The following ZNF215 variants were observed in gnomAD, a reference collection of about 807,000 sequenced individuals.
ZNF215 encodes BWSCR2-associated zinc finger protein 2.
ZNF215 carries 24 observed loss-of-function variants against 27.2 expected under a neutral mutation model. That is an observed-to-expected ratio of 0.88 (90% CI 0.64 to 1.24). The LOEUF (loss-of-function observed/expected upper bound fraction) is 1.24. ZNF215 is among the 50% of genes most tolerant of loss of function. The pLI, the probability that ZNF215 is intolerant of heterozygous loss-of-function variation, is 0.00. For missense variants in ZNF215, 675 were observed against 605.7 expected, an observed-to-expected ratio of 1.11 and a Z score of -1.20; for synonymous variants, 210 against 204.0, an observed-to-expected ratio of 1.03 and a Z score of -0.25.
intron 5 of ZNF215, among the ~76,000 whole-genome samples, chr11:6,972,246 CTT>C (rs1395682990): frequency 6.6e-6 from 1 of 152,062 alleles, no homozygotes; most frequent in Non-Finnish European, 1.5e-5. Flanking sequence ...TATAGTCACT[CTT>C]TGTCAAAACT....
At chr11:6,973,188 T>C (rs1206534316) in intron 5 of ZNF215, among the ~76,000 whole-genome samples, 1 of 152,164 alleles carries the variant, frequency 6.6e-6, no homozygotes, top group Non-Finnish European at 1.5e-5. Flanking sequence ...AGAATGATGG[T>C]TTCCAGCTTC....
intron 5 of ZNF215, among the ~76,000 whole-genome samples, chr11:6,964,692 T>TA (rs1040349707): frequency 2.6e-5 from 4 of 151,750 alleles, no homozygotes; most frequent in African/African-American, 9.7e-5. Flanking sequence ...GTCTTTTTTT[T>TA]TTTTTATTTT....
chr11:6,943,603 G>C lies in ZNF215; in HGVS notation c.674G>C (p.Trp225Ser). Residue 225 changes from tryptophan to serine, a missense_variant, in exon 6 of 7, where the codon TGG becomes TCG. Transcript: ENST00000278319. ...AAGTTGGAGAGTAAGAAAAAAAGAT[G>C]GATAATGGAGAAAGAAATACCAAGG... ...SLKLESKKKRWIMEKEIPRKT... is the reference protein window; with the variant it reads ...SLKLESKKKRSIMEKEIPRKT... 1 of 1,613,988 alleles carries C rather than the reference G, an allele frequency of 6.2e-7. No homozygotes were observed. Among genetic ancestry groups the C allele is most frequent in the Non-Finnish European group, 8.5e-7 (1 of 1,179,938 alleles).
At position 6,956,450 on chromosome 11, in the gene ZNF215, A is replaced by G; in HGVS notation, c.1473A>G (p.Lys491=). The G allele has an allele frequency of 1.2e-6, 2 of 1,614,162 alleles. No homozygotes were observed. The highest frequency in any genetic ancestry group is 1.7e-6 in the Non-Finnish European group (2 of 1,180,006). Residue 491 remains lysine (K), a synonymous_variant, in exon 7 of 7, where the codon AAA becomes AAG. Transcript: ENST00000278319. ...QMIHTGEKPF[K]CKECSKAFNR... is the part of the protein sequence containing the mutation. Reference sequence around the variant, plus strand: ...TTCACACGGGAGAGAAACCATTCAAATGTAAGGAATGTAGTAAAGCCTTCA... The same window carrying G: ...TTCACACGGGAGAGAAACCATTCAAGTGTAAGGAATGTAGTAAAGCCTTCA...
downstream of ZNF215, among the ~76,000 whole-genome samples, chr11:6,993,197 G>A (rs188984098): frequency 3.4e-4 from 51 of 152,150 alleles, no homozygotes; most frequent in Non-Finnish European, 4.7e-4. Flanking sequence ...CCTCCATTTC[G>A]TTTCTGAGGA....
At chr11:6,950,305 C>T (rs1486052883) in intron 6 of ZNF215, among the ~76,000 whole-genome samples, 3 of 148,792 alleles carry the variant, frequency 2.0e-5, no homozygotes, top group Non-Finnish European at 4.5e-5. Context: ...GGCATTGAAT[C>T]TATAAATTAC....
intron 5 of ZNF215, among the ~76,000 whole-genome samples, chr11:6,979,915 CTTATTTATTTTA>C (rs1172596110): frequency 1.3e-5 from 2 of 151,968 alleles, no homozygotes; most frequent in Non-Finnish European, 2.9e-5. Flanking sequence ...TTTTTAAAAG[CTTATTTATTTTA>C]TTTTGTTTTT....
At chr11:6,937,858 T>C (rs1327812061) in intron 3 of ZNF215, among the ~76,000 whole-genome samples, 1 of 151,856 alleles carries the variant, frequency 6.6e-6, no homozygotes, top group Non-Finnish European at 1.5e-5. Flanking sequence ...TCAAGATGGG[T>C]CAATTGTCTA....
chr11:6,955,699 GTATT>G lies in ZNF215; in HGVS notation c.724_727del (p.Ile242LeufsTer9). 6.4e-7 allele frequency: 1 copy of G among 1,554,194 alleles called. No homozygotes were observed. The highest frequency in any genetic ancestry group is 2.2e-5 in the East Asian group (1 of 44,526). ...TTTTATTTCTCTTTAGACATGAAGAGTATTTCTGGAGAAGAATCATCCCATGGAG... is the reference window on the plus strand; with the variant it reads ...TTTTATTTCTCTTTAGACATGAAGAGTCTGGAGAAGAATCATCCCATGGAG... On this transcript the variant is annotated frameshift_variant, in exon 7 of 7. Transcript: ENST00000278319. LOFTEE classifies it low-confidence loss of function (END_TRUNC).
chr11:6,953,819 T>C (rs1019110466), intron 6 of ZNF215, among the ~76,000 whole-genome samples: 1 of 152,184 alleles, frequency 6.6e-6, no homozygotes, highest in Non-Finnish European at 1.5e-5. Context: ...CTCTGCTCTT[T>C]AGAGTTTCCA....
At chr11:6,927,422 C>T (rs557005961) in intron 1 of ZNF215, among the ~76,000 whole-genome samples, 2 of 152,300 alleles carry the variant, frequency 1.3e-5, no homozygotes, top group South Asian at 4.1e-4. Flanking sequence ...AGAAATAACC[C>T]TCTTCACAGA....
downstream of ZNF215, chr11:6,988,302 T>C: frequency 4.1e-6 from 4 of 965,560 alleles, no homozygotes; most frequent in Non-Finnish European, 4.9e-6. Context: ...ACCAAAGAAA[T>C]CAATCACATC....
chr11:6,946,931 T>C (rs951297261), intron 6 of ZNF215, among the ~76,000 whole-genome samples: 1 of 152,204 alleles, frequency 6.6e-6, no homozygotes, highest in African/African-American at 2.4e-5. Context: ...TAAAGGGCTG[T>C]TTATGTGGTT....
Position 6,941,517 on chromosome 11 carries a change from A to C in ZNF215, c.401-54A>C. 3 of 1,474,316 alleles carry C rather than the reference A, an allele frequency of 2.0e-6. No homozygotes were observed. In the South Asian group the frequency reaches 3.6e-5, roughly 18 times the overall value. The allele number at this position is 1,474,316 out of a possible 1,614,324, so 91.3% of individuals were successfully genotyped here. ...ATATTAAAACAACTATAATTATTAG[A>C]AGTTGCTCCAGGGCAAAACTTGTCT... On this transcript the variant is annotated intron_variant, in intron 3 of 6. Transcript: ENST00000278319.
chr11:6,957,354 C>A lies in ZNF215; in HGVS notation c.*823C>A. On this transcript the variant is annotated 3_prime_UTR_variant, in exon 7 of 7. Transcript: ENST00000278319. ...GTATACATTAGGTTAATTGACATAT[C>A]TAAATTATCTCAGTCTGAGTTTGTG... 1 of 215,770 alleles carries A rather than the reference C, an allele frequency of 4.6e-6. No homozygotes were observed. Among genetic ancestry groups the A allele is most frequent in the Non-Finnish European group, 7.9e-6 (1 of 126,236 alleles). 13.4% of individuals were successfully genotyped at this position (215,770 alleles called of 1,614,324 possible).
intron 1 of ZNF215, among the ~76,000 whole-genome samples, chr11:6,927,231 C>G (rs1367728983): frequency 1.3e-5 from 2 of 152,080 alleles, no homozygotes; most frequent in Non-Finnish European, 2.9e-5. Context: ...TGGCCACCTC[C>G]CTAAAAGATT....
rs759948677 is a variant in ZNF215, at chr11:6,955,965, G to T, written c.988G>T (p.Gly330Trp). 3.6e-5 allele frequency: 58 copies of T among 1,612,866 alleles called. No individual in the cohort carries two copies. The South Asian group carries it at 4.4e-4, about 12-fold the overall frequency. The change falls in exon 7 of 7, where the codon GGG (glycine) becomes TGG (tryptophan). Residue 330 changes from glycine (G) to tryptophan (W), a missense_variant. Gly to Trp is a radical substitution (Grantham distance 184, BLOSUM62 -2). Coordinates refer to ENST00000278319, the MANE Select transcript of ZNF215 (RefSeq NM_013250.4). ...AIQVGIPSRK[G>W]SPKCDKFKTY... ...ACAAGTGGGAATTCCTTCAAGAAAG[G>T]GGTCTCCAAAATGTGATAAGTTTAA... is the stretch of plus-strand genomic sequence containing the variant.
At chr11:6,990,788 C>CA (rs1311119830), downstream of ZNF215, among the ~76,000 whole-genome samples, 2 of 29,142 alleles carry the variant, frequency 6.9e-5, no homozygotes, top group Non-Finnish European at 8.6e-5. Context: ...ACAAAGGGGA[C>CA]TTTGAAAAAG....
chr11:6,957,741 A>T lies in ZNF215; in HGVS notation c.*1210A>T. On this transcript the variant is annotated 3_prime_UTR_variant, in exon 7 of 7. Coordinates refer to ENST00000278319, the MANE Select transcript of ZNF215 (RefSeq NM_013250.4). Reference sequence around the variant, plus strand: ...TATTGATGATGTTCAGTGCAGACTTACTGTACCTTTGGGAATTTAGGCTGG... The same window carrying T: ...TATTGATGATGTTCAGTGCAGACTTTCTGTACCTTTGGGAATTTAGGCTGG... 2 of 985,378 alleles carry T rather than the reference A, an allele frequency of 2.0e-6. No individual in the cohort carries two copies. The highest frequency in any genetic ancestry group is 2.4e-6 in the Non-Finnish European group (2 of 829,878). The allele number at this position is 985,378 out of a possible 1,614,324, so 61.0% of individuals were successfully genotyped here.
Sources: gnomAD v4.1 joint callset for allele counts (sites outside exome capture counted in the v4.1 genomes callset) on GRCh38, gnomAD v4.1.1 for gene constraint, MANE v1.5 for transcripts, NCBI Gene and HGNC (gene_info 2026-07-23, HGNC 2026-07-21) for gene names.